Variants in KHDRBS2 observed in about 807,000 individuals in gnomAD.
KHDRBS2 encodes the protein KH RNA binding domain containing, signal transduction associated 2, also known as KH domain-containing, RNA-binding, signal transduction-associated protein 2.
Under a neutral mutation model 44.3 loss-of-function variants are expected in KHDRBS2, and 26 were observed. The observed-to-expected ratio is 0.59, with a 90% confidence interval of 0.43 to 0.81. The LOEUF (loss-of-function observed/expected upper bound fraction) is 0.81. Ranked by LOEUF, KHDRBS2 falls within the 40% of genes least tolerant of loss-of-function variation. The pLI is 0.00. For missense variants in KHDRBS2, 476 were observed against 433.1 expected, an observed-to-expected ratio of 1.10 and a Z score of -0.88; for synonymous variants, 194 against 151.1, an observed-to-expected ratio of 1.28 and a Z score of -2.08.
intron 2 of KHDRBS2, among the ~76,000 whole-genome samples, chr6:62,122,320 T>C (rs1807853923): frequency 1.3e-5 from 2 of 152,126 alleles, no homozygotes; most frequent in Admixed American, 6.5e-5. Flanking sequence ...CATGCACCTC[T>C]TGGCTTGTTA....
intron 3 of KHDRBS2, among the ~76,000 whole-genome samples, chr6:62,045,960 A>AC (rs1479384451): frequency 4.7e-5 from 7 of 147,890 alleles, no homozygotes; most frequent in Non-Finnish European, 1.0e-4. Context: ...AAAAAAAAAA[A>AC]AGAAAGAAAA....
chr6:61,775,343 G>A (rs562103970), intron 6 of KHDRBS2, among the ~76,000 whole-genome samples: 9 of 152,122 alleles, frequency 5.9e-5, no homozygotes, highest in Non-Finnish European at 1.3e-4. Flanking sequence ...GAAAAAGGAA[G>A]TCAAATTGTC....
At chr6:61,750,962 A>G (rs1171255470) in intron 6 of KHDRBS2, among the ~76,000 whole-genome samples, 5 of 152,092 alleles carry the variant, frequency 3.3e-5, no homozygotes, top group Admixed American at 3.3e-4. Context: ...TTATTATCAT[A>G]TACGACTAAA....
At chr6:61,571,080 A>G in the KHDRBS2 span, among the ~76,000 whole-genome samples, 1 of 152,144 alleles carries the variant, frequency 6.6e-6, no homozygotes, top group Non-Finnish European at 1.5e-5. Flanking sequence ...CAATACAAAC[A>G]TTGAATATAA....
chr6:61,690,878 A>G (rs1480009703), intron 8 of KHDRBS2, among the ~76,000 whole-genome samples: 1 of 152,084 alleles, frequency 6.6e-6, no homozygotes, highest in African/African-American at 2.4e-5. Flanking sequence ...AAGAGAAATT[A>G]TAAAGATAAT....
the KHDRBS2 span, among the ~76,000 whole-genome samples, chr6:61,586,515 A>T: frequency 6.6e-6 from 1 of 152,192 alleles, no homozygotes; most frequent in Non-Finnish European, 1.5e-5. Flanking sequence ...CTTTTGTGTT[A>T]ACTCAGGCCA....
chr6:61,795,218 A>T lies in KHDRBS2; in HGVS notation c.811-62454T>A, dbSNP rs1785165979. On this transcript the variant is annotated intron_variant, in intron 6 of 8. Coordinates refer to ENST00000281156, the MANE Select transcript of KHDRBS2 (RefSeq NM_152688.4). The stretch of plus-strand genomic sequence containing the variant: ...TACACTACTTTCTAATTATACACAT[A>T]GGTCTCAACTATATAACAGCAATGT... Among the ~76,000 whole-genome samples, 3 of 151,692 alleles carry T rather than the reference A, an allele frequency of 2.0e-5. 1 individual carries two copies. In the South Asian group the frequency reaches 6.3e-4, roughly 32 times the overall value.
intron 6 of KHDRBS2, among the ~76,000 whole-genome samples, chr6:61,884,704 C>A (rs1336480820): frequency 1.3e-5 from 2 of 152,006 alleles, no homozygotes; most frequent in Non-Finnish European, 2.9e-5. Flanking sequence ...CACTATGTAA[C>A]CTTTGTTAAA....
chr6:62,063,076 C>A (rs1584450726), intron 2 of KHDRBS2, among the ~76,000 whole-genome samples: 1 of 140,212 alleles, frequency 7.1e-6, no homozygotes, highest in African/African-American at 2.6e-5. Flanking sequence ...AAGACTAAAC[C>A]AGGAAGAAGT....
At chr6:62,258,651 G>A (rs1337206356) in intron 1 of KHDRBS2, among the ~76,000 whole-genome samples, 1 of 151,854 alleles carries the variant, frequency 6.6e-6, no homozygotes, top group African/African-American at 2.4e-5. Context: ...TGTGTATAAG[G>A]TACATATTAA....
chr6:61,618,925 G>A, the KHDRBS2 span, among the ~76,000 whole-genome samples: 1 of 151,876 alleles, frequency 6.6e-6, no homozygotes, highest in Non-Finnish European at 1.5e-5. Flanking sequence ...TCATTTCTTG[G>A]GTTATTTTCT....
At chr6:61,584,372 T>C in the KHDRBS2 span, among the ~76,000 whole-genome samples, 2 of 151,838 alleles carry the variant, frequency 1.3e-5, no homozygotes, top group African/African-American at 4.8e-5. Flanking sequence ...TCAAATAGCT[T>C]GAGGAAGTTT....
intron 2 of KHDRBS2, among the ~76,000 whole-genome samples, chr6:62,073,609 A>G (rs971759360): frequency 2.0e-5 from 2 of 98,384 alleles, no homozygotes; most frequent in Non-Finnish European, 4.3e-5. Flanking sequence ...CTTTGGTTCT[A>G]GTTTATTTTT....
chr6:61,778,622 A>G (rs1048139990), intron 6 of KHDRBS2, among the ~76,000 whole-genome samples: 1 of 152,174 alleles, frequency 6.6e-6, no homozygotes, highest in Non-Finnish European at 1.5e-5. Flanking sequence ...CTAAAGTTAC[A>G]CAAAGCACAG....
intron 4 of KHDRBS2, among the ~76,000 whole-genome samples, chr6:61,945,112 A>ATATGT (rs1491476068): frequency 1.2e-4 from 6 of 48,416 alleles, no homozygotes; most frequent in South Asian, 9.1e-4. Context: ...AAAAAAAAAA[A>ATATGT]GTATATATAT....
chr6:61,616,035 C>G, the KHDRBS2 span, among the ~76,000 whole-genome samples: 1 of 152,124 alleles, frequency 6.6e-6, no homozygotes, highest in Non-Finnish European at 1.5e-5. Context: ...GTCACTATTT[C>G]TGTTAAAAGA....
At chr6:61,695,893 G>A (rs548287172) in intron 8 of KHDRBS2, among the ~76,000 whole-genome samples, 1 of 152,104 alleles carries the variant, frequency 6.6e-6, no homozygotes, top group East Asian at 1.9e-4. Flanking sequence ...ATCATATGAA[G>A]CCCCAAACAC....
chr6:62,038,756 T>C (rs1785844357), intron 3 of KHDRBS2, among the ~76,000 whole-genome samples: 1 of 152,144 alleles, frequency 6.6e-6, no homozygotes, highest in South Asian at 2.1e-4. Context: ...ATGGCTTATA[T>C]TGGGGTCATT....
At chr6:61,595,527 CAT>C in the KHDRBS2 span, among the ~76,000 whole-genome samples, 2 of 152,040 alleles carry the variant, frequency 1.3e-5, no homozygotes, top group Non-Finnish European at 2.9e-5. Flanking sequence ...TCAACAAAAG[CAT>C]ATCTTGCTTC....
Sources: allele counts gnomAD v4.1 joint callset (sites outside exome capture counted in the v4.1 genomes callset), GRCh38; gene constraint gnomAD v4.1.1; transcripts MANE v1.5; gene names NCBI Gene and HGNC (gene_info 2026-07-23, HGNC 2026-07-21).